The following CSMD1 variants were observed in gnomAD, a reference collection of about 807,000 sequenced individuals.
CSMD1 encodes CUB and Sushi multiple domains 1.
In CSMD1, 213 loss-of-function variants were observed where a neutral mutation model predicts 417.5. The ratio of observed to expected loss-of-function variants is 0.51; its 90% CI spans 0.46 to 0.57. The LOEUF is 0.57. CSMD1 is among the 20% of genes least tolerant of loss of function. The pLI, the probability that CSMD1 is intolerant of heterozygous loss-of-function variation, is 0.00. For synonymous variants in CSMD1, 2,862 were observed against 1,736.8 expected, an observed-to-expected ratio of 1.65 and a Z score of -16.11; for missense variants, 6,923 against 4,529.7, an observed-to-expected ratio of 1.53 and a Z score of -15.17.
intron 7 of CSMD1, among the ~76,000 whole-genome samples, chr8:3,696,521 C>T (rs770573137): frequency 6.6e-6 from 1 of 152,150 alleles, no homozygotes; most frequent in African/African-American, 2.4e-5. Flanking sequence ...TAAAGCAAAT[C>T]AATATAATCA....
At chr8:3,558,786 C>G (rs865944764) in intron 10 of CSMD1, among the ~76,000 whole-genome samples, 101 of 150,484 alleles carry the variant, frequency 6.7e-4, no homozygotes, top group African/African-American at 2.3e-3. Context: ...GTCCACTCCT[C>G]CAATGATGAA....
Position 4,933,683 on chromosome 8 carries a change from A to C in CSMD1, c.85+60649T>G, listed in dbSNP as rs1289498978. On this transcript the variant is annotated intron_variant, in intron 1 of 69. Transcript: ENST00000635120. ...GATAGATGAAAGGAAGGAAGGAAGG[A>C]AAGATAAATGGATGGATGGAAGAAT... 2.6e-5 allele frequency among the ~76,000 whole-genome samples: 4 copies of C among 152,238 alleles called. No individual in the cohort carries two copies. In the South Asian group the frequency reaches 8.3e-4, roughly 32 times the overall value.
rs796126202 is a variant in CSMD1, at chr8:3,984,205, C to G, written c.818+13698G>C. Among the ~76,000 whole-genome samples, 110 of 152,324 alleles carry G rather than the reference C, an allele frequency of 7.2e-4. 1 individual carries two copies. The highest frequency in any genetic ancestry group is 2.5e-3 in the African/African-American group (106 of 41,576). ...AGGAACCTCTCAGACTGCGCTTGCA[C>G]CCAGCCACCTGCACAGTGAAGCCAT... On this transcript the variant is annotated intron_variant, in intron 5 of 69. Transcript: ENST00000635120.
intron 5 of CSMD1, among the ~76,000 whole-genome samples, chr8:3,764,742 T>TC (rs200884728): frequency 3.5e-4 from 16 of 45,162 alleles, no homozygotes; most frequent in African/African-American, 7.6e-4. Flanking sequence ...TCTCTTTCTT[T>TC]TTTTTTTTTT....
At chr8:4,077,776 T>C (rs577648884) in intron 3 of CSMD1, among the ~76,000 whole-genome samples, 8 of 152,336 alleles carry the variant, frequency 5.3e-5, no homozygotes, top group Admixed American at 1.3e-4. Flanking sequence ...TAAGCATTTT[T>C]CAGCTCATTC....
chr8:3,284,302 A>C lies in CSMD1; in HGVS notation c.3995T>G (p.Leu1332Arg). The C allele has an allele frequency of 6.2e-7, 1 of 1,613,932 alleles. No homozygotes were observed. Among genetic ancestry groups the C allele is most frequent in the Non-Finnish European group, 8.5e-7 (1 of 1,179,868 alleles). The change falls in exon 26 of 70, where the codon CTC (leucine) becomes CGC (arginine). Residue 1332 changes from leucine to arginine, a missense_variant. Physicochemically the swap from Leu to Arg is moderately radical, Grantham distance 102. Transcript: ENST00000635120. Reference protein sequence around the residue: ...VFDTEMAHDILKVWDGPVDSD... With the variant: ...VFDTEMAHDIRKVWDGPVDSD... ...GTCCACCGGCCCGTCCCAGACCTTG[A>C]GGATGTCGTGAGCCATCTCCGTGTC... is the stretch of plus-strand genomic sequence containing the variant.
chr8:3,378,062 C>T (rs1331688390), intron 18 of CSMD1, among the ~76,000 whole-genome samples: 1 of 152,056 alleles, frequency 6.6e-6, no homozygotes, highest in Non-Finnish European at 1.5e-5. Flanking sequence ...AATAATGCAA[C>T]ATGTAAGGAT....
At chr8:3,951,729 T>A (rs1249698967) in intron 5 of CSMD1, among the ~76,000 whole-genome samples, 1 of 152,066 alleles carries the variant, frequency 6.6e-6, no homozygotes, top group African/African-American at 2.4e-5. Flanking sequence ...ATTAACAACA[T>A]GGGGGGCATT....
At chr8:3,879,831 G>C (rs532183937) in intron 5 of CSMD1, among the ~76,000 whole-genome samples, 4 of 140,050 alleles carry the variant, frequency 2.9e-5, no homozygotes, top group South Asian at 4.3e-4. Flanking sequence ...ACCGGTGTGC[G>C]TGTGCGTGTG....
At chr8:3,525,303 G>C (rs530224424) in intron 10 of CSMD1, among the ~76,000 whole-genome samples, 144 of 152,244 alleles carry the variant, frequency 9.5e-4, no homozygotes, top group Non-Finnish European at 1.6e-3. Context: ...AGGTTAAAAA[G>C]GAATTAGCAT....
intron 6 of CSMD1, among the ~76,000 whole-genome samples, chr8:3,738,583 G>A (rs13250917): frequency 0.93 from 141,928 of 152,204 alleles, 67,005 homozygotes; most frequent in Non-Finnish European, 1. Flanking sequence ...CTCTTGTCAC[G>A]GGGATGGCAA....
chr8:4,275,816 A>G (rs1796453071), intron 3 of CSMD1, among the ~76,000 whole-genome samples: 1 of 152,238 alleles, frequency 6.6e-6, no homozygotes, highest in Non-Finnish European at 1.5e-5. Context: ...AATGATCTAT[A>G]CTAATGAAAG....
intron 69 of CSMD1, among the ~76,000 whole-genome samples, chr8:2,940,331 T>C (rs1801781219): frequency 6.6e-6 from 1 of 152,174 alleles, no homozygotes; most frequent in Admixed American, 6.5e-5. Flanking sequence ...GAAGTCACAG[T>C]GGCCTCATAG....
chr8:3,182,456 C>A (rs1821395620), intron 36 of CSMD1, among the ~76,000 whole-genome samples: 1 of 152,090 alleles, frequency 6.6e-6, no homozygotes, highest in Non-Finnish European at 1.5e-5. Context: ...CTCAAGTGAT[C>A]TGCTTGCCTC....
chr8:4,091,586 T>G (rs568685161), intron 3 of CSMD1, among the ~76,000 whole-genome samples: 22 of 152,170 alleles, frequency 1.4e-4, no homozygotes, highest in Non-Finnish European at 2.5e-4. Context: ...AGTATTATAA[T>G]TGTAGGACAT....
chr8:3,688,788 ATACTG>A (rs1413395490), intron 7 of CSMD1, among the ~76,000 whole-genome samples: 1 of 152,192 alleles, frequency 6.6e-6, no homozygotes, highest in Non-Finnish European at 1.5e-5. Flanking sequence ...ATGCTAGAGT[ATACTG>A]TAATACTATA....
At chr8:4,891,682 G>A (rs1804133321) in intron 1 of CSMD1, among the ~76,000 whole-genome samples, 1 of 151,748 alleles carries the variant, frequency 6.6e-6, no homozygotes, top group African/African-American at 2.4e-5. Context: ...TTATCCTAAG[G>A]GCTTATATTA....
intron 25 of CSMD1, among the ~76,000 whole-genome samples, chr8:3,304,785 G>GT (rs1200564106): frequency 1.3e-5 from 2 of 151,688 alleles, no homozygotes; most frequent in Non-Finnish European, 2.9e-5. Flanking sequence ...CCTGTAAAGA[G>GT]TGAATCCATG....
intron 2 of CSMD1, among the ~76,000 whole-genome samples, chr8:4,441,095 G>GTTGTTTTTTTTTTTT (rs1798443913): frequency 1.9e-5 from 1 of 51,298 alleles, no homozygotes. Context: ...TAATCAAAAG[G>GTTGTTTTTTTTTTTT]TTTTTTTTTT....
Sources: gnomAD v4.1 joint callset for allele counts (sites outside exome capture counted in the v4.1 genomes callset) on GRCh38, gnomAD v4.1.1 for gene constraint, MANE v1.5 for transcripts, NCBI Gene and HGNC (gene_info 2026-07-23, HGNC 2026-07-21) for gene names.